Variants in IL1RAPL2 observed in about 807,000 individuals in gnomAD.
The protein encoded by IL1RAPL2 is X-linked interleukin-1 receptor accessory protein-like 2.
IL1RAPL2 carries 3 observed loss-of-function variants against 44.1 expected under a neutral mutation model. That is an observed-to-expected ratio of 0.07 (90% CI 0.03 to 0.18). The LOEUF (loss-of-function observed/expected upper bound fraction) is 0.18. IL1RAPL2 is among the 10% of genes least tolerant of loss of function. The pLI, the probability that IL1RAPL2 is intolerant of heterozygous loss-of-function variation, is 1.00. For missense variants in IL1RAPL2, 391 were observed against 496.4 expected, an observed-to-expected ratio of 0.79 and a Z score of 2.02; for synonymous variants, 181 against 178.8, an observed-to-expected ratio of 1.01 and a Z score of -0.10.
intron 1 of IL1RAPL2, among the ~76,000 whole-genome samples, chrX:104,654,316 A>T (rs1051386302): frequency 4.3e-4 from 48 of 111,590 alleles, no homozygotes; most frequent in African/African-American, 1.4e-3. Context: ...GGTGAGCTAG[A>T]GATTGACAGA....
chrX:105,142,389 A>G (rs7887483), intron 2 of IL1RAPL2, among the ~76,000 whole-genome samples: 2,261 of 110,901 alleles, frequency 0.02, 58 homozygotes, highest in African/African-American at 0.071. Context: ...TGTGCTGTTC[A>G]TTTCTCCAGC....
At position 104,617,652 on chromosome X, in the gene IL1RAPL2, C is replaced by A. The variant is rs552029061; in HGVS notation, c.-19-41243C>A. On this transcript the variant is annotated intron_variant, in intron 1 of 10. Transcript: ENST00000372582. ...TGGTTCAATCTGTTGATAAAGATTTCAGTTATATTCTGAAGTTCCTTAACT... is the reference window on the plus strand; with the variant it reads ...TGGTTCAATCTGTTGATAAAGATTTAAGTTATATTCTGAAGTTCCTTAACT... Among the ~76,000 whole-genome samples, 2 of 112,058 alleles carry A rather than the reference C, an allele frequency of 1.8e-5. 1 individual carries two copies. Among genetic ancestry groups the A allele is most frequent in the South Asian group, 7.4e-4 (2 of 2,692 alleles).
chrX:105,284,225 C>A (rs936297492), intron 5 of IL1RAPL2, among the ~76,000 whole-genome samples: 1 of 111,906 alleles, frequency 8.9e-6, no homozygotes, highest in African/African-American at 3.2e-5. Flanking sequence ...ACAACTTGCC[C>A]AAGGCAACAA....
chrX:104,847,736 A>T (rs1922096265), intron 2 of IL1RAPL2, among the ~76,000 whole-genome samples: 1 of 111,812 alleles, frequency 8.9e-6, no homozygotes, highest in Non-Finnish European at 1.9e-5. Flanking sequence ...GAAGAAAGTC[A>T]TTGGTAGCTT....
At chrX:105,155,502 C>T (rs1003340808) in intron 2 of IL1RAPL2, among the ~76,000 whole-genome samples, 2 of 110,858 alleles carry the variant, frequency 1.8e-5, no homozygotes, top group African/African-American at 6.6e-5. Flanking sequence ...AAAATATAGT[C>T]TGGGCTCTGA....
At chrX:104,932,126 G>A (rs1924921600) in intron 2 of IL1RAPL2, among the ~76,000 whole-genome samples, 1 of 106,865 alleles carries the variant, frequency 9.4e-6, no homozygotes, top group African/African-American at 3.4e-5. Flanking sequence ...CTAGTAGCTG[G>A]GATTACAGGC....
At position 105,473,634 on chromosome X, in the gene IL1RAPL2, CT is replaced by C. The variant is rs774750804; in HGVS notation, c.698-10675del. Among the ~76,000 whole-genome samples, 10 of 111,889 alleles carry C rather than the reference CT, an allele frequency of 8.9e-5. No homozygotes were observed. In the East Asian group the frequency reaches 2.8e-3, roughly 31 times the overall value. ...AAGTGATATTTTGCTTTTCCTTATT[CT>C]TTTGTATTGCAAAACATCATGTTAA... On this transcript the variant is annotated intron_variant, in intron 5 of 10. Coordinates refer to ENST00000372582, the MANE Select transcript of IL1RAPL2 (RefSeq NM_017416.2).
chrX:104,826,272 A>G (rs1159962978), intron 2 of IL1RAPL2, among the ~76,000 whole-genome samples: 1 of 111,628 alleles, frequency 9.0e-6, no homozygotes, highest in Non-Finnish European at 1.9e-5. Context: ...TTTCCTCTAA[A>G]CACTACTTTA....
chrX:104,887,961 A>C (rs1461923974), intron 2 of IL1RAPL2, among the ~76,000 whole-genome samples: 3 of 111,584 alleles, frequency 2.7e-5, no homozygotes, highest in African/African-American at 9.8e-5. Context: ...AAAAAGAATA[A>C]ATGTGTATAC....
chrX:104,936,827 C>T (rs1357322032), intron 2 of IL1RAPL2, among the ~76,000 whole-genome samples: 1 of 110,328 alleles, frequency 9.1e-6, no homozygotes, highest in African/African-American at 3.3e-5. Context: ...AGAATGGTCT[C>T]GATCTCCTGA....
At chrX:104,842,883 G>A (rs960600750) in intron 2 of IL1RAPL2, among the ~76,000 whole-genome samples, 3 of 112,688 alleles carry the variant, frequency 2.7e-5, no homozygotes, top group African/African-American at 9.7e-5. Flanking sequence ...GTACACACTC[G>A]AGGAGGCAGT....
At chrX:105,464,549 A>G (rs1422207833) in intron 5 of IL1RAPL2, among the ~76,000 whole-genome samples, 1 of 111,612 alleles carries the variant, frequency 9.0e-6, no homozygotes, top group Non-Finnish European at 1.9e-5. Context: ...CTAATATTAA[A>G]CGTTGAAATA....
At chrX:105,168,010 C>T (rs2033386009) in intron 2 of IL1RAPL2, among the ~76,000 whole-genome samples, 1 of 111,445 alleles carries the variant, frequency 9.0e-6, no homozygotes, top group Admixed American at 9.5e-5. Flanking sequence ...TGAATTCAAA[C>T]ATCGGTATAT....
At chrX:104,938,280 G>T (rs1381325281) in intron 2 of IL1RAPL2, among the ~76,000 whole-genome samples, 2 of 112,052 alleles carry the variant, frequency 1.8e-5, no homozygotes, top group Non-Finnish European at 3.8e-5. Context: ...AAAATTGTTG[G>T]CAAAGACGTT....
intron 5 of IL1RAPL2, among the ~76,000 whole-genome samples, chrX:105,432,744 C>G (rs753048590): frequency 9.0e-6 from 1 of 110,902 alleles, no homozygotes; most frequent in East Asian, 2.9e-4. Context: ...AGGGCAAACC[C>G]TAGGATACAG....
intron 6 of IL1RAPL2, among the ~76,000 whole-genome samples, chrX:105,625,754 A>G (rs2037448608): frequency 9.1e-6 from 1 of 110,421 alleles, no homozygotes; most frequent in African/African-American, 3.3e-5. Context: ...TTTACTACAG[A>G]GCTGCCTCTG....
chrX:105,473,365 A>G (rs1358789235), intron 5 of IL1RAPL2, among the ~76,000 whole-genome samples: 2 of 111,804 alleles, frequency 1.8e-5, no homozygotes, highest in Non-Finnish European at 3.8e-5. Context: ...TAAAGTGATA[A>G]TGCCTTGTGA....
chrX:105,172,645 C>G (rs1185805278), intron 2 of IL1RAPL2, among the ~76,000 whole-genome samples: 1 of 111,706 alleles, frequency 9.0e-6, no homozygotes, highest in Non-Finnish European at 1.9e-5. Context: ...TTCTGACTTC[C>G]CTCTCTTCTG....
intron 6 of IL1RAPL2, among the ~76,000 whole-genome samples, chrX:105,644,239 G>T (rs2037589533): frequency 9.0e-6 from 1 of 111,137 alleles, no homozygotes; most frequent in African/African-American, 3.3e-5. Flanking sequence ...TTGGGTTTTG[G>T]TGTTTATTTT....
Sources: allele counts gnomAD v4.1 joint callset (sites outside exome capture counted in the v4.1 genomes callset), GRCh38; gene constraint gnomAD v4.1.1; transcripts MANE v1.5; gene names NCBI Gene and HGNC (gene_info 2026-07-23, HGNC 2026-07-21).